Variants in CCDC185 observed in about 807,000 individuals in gnomAD.
CCDC185 encodes the protein coiled-coil domain-containing protein 185.
For missense variants in CCDC185, 982 were observed against 825.3 expected (o/e 1.19, Z -2.33); for synonymous variants, 381 against 348.1 (o/e 1.09, Z -1.05).
rs755111454 is a variant in CCDC185 at position 223,395,234 on chromosome 1, C to G, written c.1759C>G (p.Gln587Glu). ...GAAAGACCCAAACTTCCAGGAGTTC[C>G]AGAAGCTCCCTCAGGCCTCCAGGAG... ...QGKDPNFQEFQKLPQASRREE... is the reference protein window; with the variant it reads ...QGKDPNFQEFEKLPQASRREE... The change falls in exon 1 of 1, where the codon CAG (glutamine) becomes GAG (glutamate). Residue 587 changes from glutamine (Q) to glutamate (E), a missense_variant. Transcript: ENST00000366875. 1 of 1,610,104 alleles carries G rather than the reference C, an allele frequency of 6.2e-7. No individual in the cohort carries two copies. The highest frequency in any genetic ancestry group is 1.3e-5 in the African/African-American group (1 of 74,594).
chr1:223,394,848 G>T lies in CCDC185; in HGVS notation c.1373G>T (p.Arg458Leu). The T allele has an allele frequency of 2.5e-6, 4 of 1,613,946 alleles. No individual in the cohort carries two copies. The highest frequency in any genetic ancestry group is 1.7e-4 in the Middle Eastern group (1 of 6,032). The part of the protein sequence containing the change: ...RQLSLEQSFQ[R>L]SQEIHQGLRK... ...CTGTCCCTGGAACAAAGTTTCCAGC[G>T]GTCCCAGGAGATACACCAGGGCCTG... The change falls in exon 1 of 1, where the codon CGG becomes CTG. Residue 458 changes from arginine to leucine, a missense_variant. Arg to Leu is a moderately radical substitution (Grantham distance 102, BLOSUM62 -2). Transcript: ENST00000366875.
Position 223,394,801 on chromosome 1 carries a change from G to A in CCDC185, c.1326G>A (p.Lys442=). The A allele has an allele frequency of 1.2e-6, 2 of 1,613,580 alleles. No homozygotes were observed. Among genetic ancestry groups the A allele is most frequent in the Non-Finnish European group, 1.7e-6 (2 of 1,179,588 alleles). The change falls in exon 1 of 1, where the codon AAG becomes AAA. Residue 442 remains lysine, a synonymous_variant. Coordinates refer to ENST00000366875, the MANE Select transcript of CCDC185 (RefSeq NM_152610.3). ...AGGTCCTCATGGACTGCCAGGCCAA[G>A]GCTGAGGAGCTCCTTAGGCAGCTGT... ...ARKVLMDCQA[K]AEELLRQLSL... is the part of the protein sequence containing the mutation.
chr1:223,394,609 C>A lies in CCDC185; in HGVS notation c.1134C>A (p.Arg378=). Residue 378 remains arginine, a synonymous_variant, in exon 1 of 1, where the codon CGC becomes CGA. Coordinates refer to ENST00000366875, the MANE Select transcript of CCDC185 (RefSeq NM_152610.3). ...ACCGAAAACAGTGCCAGGTGCGGCG[C>A]CTGCGGGAGCAGGAGAAGATGCTAC... ...AEHRKQCQVR[R]LREQEKMLRN... is the part of the protein sequence containing the mutation. 1 of 1,612,650 alleles carries A rather than the reference C, an allele frequency of 6.2e-7. No individual in the cohort carries two copies. Among genetic ancestry groups the A allele is most frequent in the Non-Finnish European group, 8.5e-7 (1 of 1,179,624 alleles).
chr1:223,395,310 C>G lies in CCDC185; in HGVS notation c.1835C>G (p.Ala612Gly). The stretch of plus-strand genomic sequence containing the variant: ...TCCCTTGATCAGATGGTACTAGAGG[C>G]CCAGCTCCGTGCCTGTCAGCAGAAC... ...NSSLDQMVLEAQLRACQQNRG... is the reference protein window; with the variant it reads ...NSSLDQMVLEGQLRACQQNRG... The change falls in exon 1 of 1, where the codon GCC (alanine) becomes GGC (glycine). Residue 612 changes from alanine to glycine, a missense_variant. Physicochemically the swap from Ala to Gly is moderately conservative, Grantham distance 60. Transcript: ENST00000366875. The G allele has an allele frequency of 3.3e-6, 5 of 1,529,110 alleles. No individual in the cohort carries two copies. The highest frequency in any genetic ancestry group is 3.5e-6 in the Non-Finnish European group (4 of 1,142,526). 94.7% of individuals were successfully genotyped at this position (1,529,110 alleles called of 1,614,324 possible). A position where few individuals can be genotyped will look rare whatever the true frequency, so the allele number is the denominator to read the frequency against.
rs768953956 is a variant in CCDC185, at chr1:223,394,859, A to T, written c.1384A>T (p.Ile462Leu). 1 of 1,614,102 alleles carries T rather than the reference A, an allele frequency of 6.2e-7. No individual in the cohort carries two copies. The change falls in exon 1 of 1, where the codon ATA (isoleucine) becomes TTA (leucine). Residue 462 changes from isoleucine (I) to leucine (L), a missense_variant. Coordinates refer to ENST00000366875, the MANE Select transcript of CCDC185 (RefSeq NM_152610.3). ...LEQSFQRSQEIHQGLRKERQR... is the reference protein window; with the variant it reads ...LEQSFQRSQELHQGLRKERQR... ...ACAAAGTTTCCAGCGGTCCCAGGAGATACACCAGGGCCTGAGGAAGGAGCG... is the reference window on the plus strand; with the variant it reads ...ACAAAGTTTCCAGCGGTCCCAGGAGTTACACCAGGGCCTGAGGAAGGAGCG...
Position 223,395,300 on chromosome 1 carries a change from G to A in CCDC185, c.1825G>A (p.Val609Ile). 2.0e-6 allele frequency: 3 copies of A among 1,536,930 alleles called. No individual in the cohort carries two copies. The highest frequency in any genetic ancestry group is 2.6e-6 in the Non-Finnish European group (3 of 1,146,958). The change falls in exon 1 of 1, where the codon GTA (valine) becomes ATA (isoleucine). Residue 609 changes from valine to isoleucine, a missense_variant. Coordinates refer to ENST00000366875, the MANE Select transcript of CCDC185 (RefSeq NM_152610.3). ...TCCCAACAGCTCCCTTGATCAGATG[G>A]TACTAGAGGCCCAGCTCCGTGCCTG... Reference protein sequence around the residue: ...APPNSSLDQMVLEAQLRACQQ... With the variant: ...APPNSSLDQMILEAQLRACQQ...
Position 223,395,107 on chromosome 1 carries a change from C to A in CCDC185, c.1632C>A (p.His544Gln). The A allele has an allele frequency of 6.2e-7, 1 of 1,614,174 alleles. No homozygotes were observed. The highest frequency in any genetic ancestry group is 8.5e-7 in the Non-Finnish European group (1 of 1,180,036). Residue 544 changes from histidine (H) to glutamine (Q), a missense_variant, in exon 1 of 1, where the codon CAC becomes CAA. Transcript: ENST00000366875. ...ACCACCTGAGGGAGAAAAACCACCA[C>A]ATCCTGAAACTGAAAGCCGAGAAGG... ...ELNHLREKNH[H>Q]ILKLKAEKEE...
chr1:223,393,930 G>A lies in CCDC185; in HGVS notation c.455G>A (p.Gly152Glu), dbSNP rs145351641. Reference protein sequence around the residue: ...QGDSPPPCPGGAGTPLSGTFR... With the variant: ...QGDSPPPCPGEAGTPLSGTFR... ...GACTCGCCCCCGCCTTGCCCCGGAG[G>A]AGCTGGCACTCCCCTGAGTGGCACA... The change falls in exon 1 of 1, where the codon GGA (glycine) becomes GAA (glutamate). Residue 152 changes from glycine (G) to glutamate (E), a missense_variant. By Grantham distance (98) the Gly-to-Glu change is moderately conservative. Transcript: ENST00000366875. This position sits in a 1 kb window ranked among gnomAD's most constrained non-coding sequence, Gnocchi z 4.8. The A allele has an allele frequency of 1.3e-5, 21 of 1,613,046 alleles. No individual in the cohort carries two copies. The highest frequency in any genetic ancestry group is 1.7e-5 in the Non-Finnish European group (20 of 1,179,840).
the CCDC185 span, chr1:223,394,634 CG>C: frequency 6.2e-7 from 1 of 1,613,162 alleles, no homozygotes; most frequent in Non-Finnish European, 8.5e-7. Context: ...GAAGATGCTA[CG>C]GAACCTCCGG....
At position 223,394,045 on chromosome 1, in the gene CCDC185, G is replaced by C. The variant is rs774785214; in HGVS notation, c.570G>C (p.Ser190=). 5.0e-6 allele frequency: 8 copies of C among 1,614,152 alleles called. No individual in the cohort carries two copies. Among genetic ancestry groups the C allele is most frequent in the Non-Finnish European group, 4.2e-6 (5 of 1,180,038 alleles). The part of the protein sequence containing the change: ...LGRWSPSSVP[S]ERSSVPSQKF... ...GCTGGTCCCCTTCCTCAGTTCCCTC[G>C]GAGCGGTCTTCTGTGCCCTCGCAAA... Residue 190 remains serine, a synonymous_variant, in exon 1 of 1, where the codon TCG becomes TCC. Coordinates refer to ENST00000366875, the MANE Select transcript of CCDC185 (RefSeq NM_152610.3).
chr1:223,395,375 G>C lies in CCDC185; in HGVS notation c.*28G>C. ...ACCAAGGACGCCTGGCTTACAGTGC[G>C]CAGCCAGAAGGAGATGTGGCAATGT... is the stretch of plus-strand genomic sequence containing the variant. On this transcript the variant is annotated 3_prime_UTR_variant, in exon 1 of 1. Transcript: ENST00000366875. 3 of 1,487,492 alleles carry C rather than the reference G, an allele frequency of 2.0e-6. No homozygotes were observed. The highest frequency in any genetic ancestry group is 1.5e-5 in the South Asian group (1 of 67,040). The allele number at this position is 1,487,492 out of a possible 1,614,324, so 92.1% of individuals were successfully genotyped here.
In CCDC185 at chr1:223,394,791, G is replaced by T. The variant is rs1274949512; in HGVS notation, c.1316G>T (p.Cys439Phe). 13 of 1,613,294 alleles carry T rather than the reference G, an allele frequency of 8.1e-6. No homozygotes were observed. The South Asian group carries it at 9.9e-5, about 12-fold the overall frequency. The part of the protein sequence containing the change: ...NYQARKVLMD[C>F]QAKAEELLRQ... ...CAGGCCCGGAAGGTCCTCATGGACTGCCAGGCCAAGGCTGAGGAGCTCCTT... is the reference window on the plus strand; with the variant it reads ...CAGGCCCGGAAGGTCCTCATGGACTTCCAGGCCAAGGCTGAGGAGCTCCTT... The change falls in exon 1 of 1, where the codon TGC becomes TTC. Residue 439 changes from cysteine to phenylalanine, a missense_variant. Physicochemically the swap from Cys to Phe is radical, Grantham distance 205 (BLOSUM62 -2). Coordinates refer to ENST00000366875, the MANE Select transcript of CCDC185 (RefSeq NM_152610.3).
rs533876891 is a variant in CCDC185, at chr1:223,394,604, C to G, written c.1129C>G (p.Arg377Gly). 4 of 1,611,466 alleles carry G rather than the reference C, an allele frequency of 2.5e-6. No individual in the cohort carries two copies. The highest frequency in any genetic ancestry group is 3.4e-6 in the Non-Finnish European group (4 of 1,179,128). The change falls in exon 1 of 1, where the codon CGG (arginine) becomes GGG (glycine). Residue 377 changes from arginine (R) to glycine (G), a missense_variant. Coordinates refer to ENST00000366875, the MANE Select transcript of CCDC185 (RefSeq NM_152610.3). The stretch of plus-strand genomic sequence containing the variant: ...AGAGCACCGAAAACAGTGCCAGGTG[C>G]GGCGCCTGCGGGAGCAGGAGAAGAT... ...QAEHRKQCQV[R>G]RLREQEKMLR...
In CCDC185 at chr1:223,394,777, G is replaced by T; in HGVS notation, c.1302G>T (p.Lys434Asn). 1 of 1,613,094 alleles carries T rather than the reference G, an allele frequency of 6.2e-7. No individual in the cohort carries two copies. Among genetic ancestry groups the T allele is most frequent in the Non-Finnish European group, 8.5e-7 (1 of 1,179,256 alleles). Reference protein sequence around the residue: ...LSSLINYQARKVLMDCQAKAE... With the variant: ...LSSLINYQARNVLMDCQAKAE... Reference sequence around the variant, plus strand: ...CCCTCATCAATTACCAGGCCCGGAAGGTCCTCATGGACTGCCAGGCCAAGG... The same window carrying T: ...CCCTCATCAATTACCAGGCCCGGAATGTCCTCATGGACTGCCAGGCCAAGG... The change falls in exon 1 of 1, where the codon AAG becomes AAT. Residue 434 changes from lysine to asparagine, a missense_variant. Physicochemically the swap from Lys to Asn is moderately conservative, Grantham distance 94 (BLOSUM62 0). Transcript: ENST00000366875.
At position 223,394,050 on chromosome 1, in the gene CCDC185, G is replaced by A. The variant is rs772367435; in HGVS notation, c.575G>A (p.Arg192Gln). The A allele has an allele frequency of 5.6e-6, 9 of 1,614,034 alleles. No homozygotes were observed. The highest frequency in any genetic ancestry group is 4.0e-5 in the African/African-American group (3 of 74,952). The change falls in exon 1 of 1, where the codon CGG (arginine) becomes CAG (glutamine). Residue 192 changes from arginine to glutamine, a missense_variant. By Grantham distance (43) the Arg-to-Gln change is conservative. Coordinates refer to ENST00000366875, the MANE Select transcript of CCDC185 (RefSeq NM_152610.3). ...TCCCCTTCCTCAGTTCCCTCGGAGCGGTCTTCTGTGCCCTCGCAAAAGTTC... is the reference window on the plus strand; with the variant it reads ...TCCCCTTCCTCAGTTCCCTCGGAGCAGTCTTCTGTGCCCTCGCAAAAGTTC... ...RWSPSSVPSE[R>Q]SSVPSQKFKR...
chr1:223,394,459 C>T lies in CCDC185; in HGVS notation c.984C>T (p.Arg328=), dbSNP rs562241616. The change falls in exon 1 of 1, where the codon CGC becomes CGT. Residue 328 remains arginine, a synonymous_variant. Transcript: ENST00000366875. ...QRKTLQSPEQ[R]GLRRDSQRKN... is the part of the protein sequence containing the mutation. ...AGACCCTCCAGAGCCCTGAGCAGCG[C>T]GGCCTGCGGCGGGACAGCCAGAGGA... 18 of 1,570,996 alleles carry T rather than the reference C, an allele frequency of 1.1e-5. No individual in the cohort carries two copies. Among genetic ancestry groups the T allele is most frequent in the Admixed American group, 5.7e-5 (3 of 52,994 alleles).
In CCDC185 at chr1:223,393,563, C is replaced by T; in HGVS notation, c.88C>T (p.Arg30Trp). Reference protein sequence around the residue: ...RPGGERESTQRLGGQRSGADS... With the variant: ...RPGGERESTQWLGGQRSGADS... ...CGGCGGAGAACGAGAGTCCACGCAG[C>T]GGCTGGGCGGGCAGAGGTCCGGAGC... Residue 30 changes from arginine (R) to tryptophan (W), a missense_variant, in exon 1 of 1, where the codon CGG becomes TGG. Arg to Trp is a moderately radical substitution (Grantham distance 101). Transcript: ENST00000366875. This position sits in a 1 kb window ranked among gnomAD's most constrained non-coding sequence, Gnocchi z 4.8. 5 of 1,550,014 alleles carry T rather than the reference C, an allele frequency of 3.2e-6. No individual in the cohort carries two copies. Among genetic ancestry groups the T allele is most frequent in the South Asian group, 1.2e-5 (1 of 82,980 alleles).
chr1:223,395,158 C>G lies in CCDC185; in HGVS notation c.1683C>G (p.Ile561Met). The G allele has an allele frequency of 6.2e-7, 1 of 1,614,068 alleles. No homozygotes were observed. ...EKEEKCHIEG[I>M]KEAIKKKEQR... ...AGGAAAAGTGTCACATTGAGGGCAT[C>G]AAGGAGGCCATTAAGAAAAAGGAGC... The change falls in exon 1 of 1, where the codon ATC becomes ATG. Residue 561 changes from isoleucine (I) to methionine (M), a missense_variant. Ile to Met is a conservative substitution (Grantham distance 10). Transcript: ENST00000366875.
the CCDC185 span, chr1:223,395,001 TG>T: frequency 6.2e-7 from 1 of 1,613,848 alleles, no homozygotes; most frequent in Non-Finnish European, 8.5e-7. Context: ...CTGGTGGAGC[TG>T]GCGGATGAGA....
Sources: gnomAD v4.1 joint callset for allele counts on GRCh38, gnomAD v4.1.1 for gene constraint, Gnocchi (gnomAD v3.1) non-coding constraint, MANE v1.5 for transcripts, NCBI Gene and HGNC (gene_info 2026-07-23, HGNC 2026-07-21) for gene names.